ITGA10: variants seen among roughly 807,000 people sequenced by gnomAD.
ITGA10 encodes integrin alpha-10.
A neutral mutation model predicts 145.2 loss-of-function variants in ITGA10; 105 were observed. The observed-to-expected ratio is 0.72, with a 90% confidence interval of 0.62 to 0.85. ITGA10 has a LOEUF of 0.85. Among genes scored for constraint, ITGA10 ranks in the 40% least tolerant of loss-of-function variants. The pLI is 0.00. For synonymous variants in ITGA10, 506 were observed against 557.8 expected (o/e 0.91, Z 1.31); for missense variants, 1,317 against 1,444.5 (o/e 0.91, Z 1.43).
Position 145,904,074 on chromosome 1 carries a change from C to G in ITGA10, c.736G>C (p.Ala246Pro), listed in dbSNP as rs1656760053. ...SRREGRETKTAQAIMVACTEG... is the reference protein window; with the variant it reads ...SRREGRETKTPQAIMVACTEG... ...CACCAGGCCACCATTATTGCTTGGG[C>G]AGTCTTTGTTTCTCGTCCCTCCCGC... Residue 246 changes from alanine to proline, a missense_variant, in exon 7 of 30, where the codon GCC (alanine) becomes CCC (proline). Coordinates refer to ENST00000369304, the MANE Select transcript of ITGA10 (RefSeq NM_003637.5). The G allele has an allele frequency of 6.2e-7, 1 of 1,613,974 alleles. No homozygotes were observed. The highest frequency in any genetic ancestry group is 1.3e-5 in the African/African-American group (1 of 74,902).
chr1:145,897,649 C>A lies in ITGA10; in HGVS notation c.2437G>T (p.Ala813Ser). Residue 813 changes from alanine to serine, a missense_variant, in exon 20 of 30, where the codon GCC becomes TCC. Physicochemically the swap from Ala to Ser is moderately conservative, Grantham distance 99. Coordinates refer to ENST00000369304, the MANE Select transcript of ITGA10 (RefSeq NM_003637.5). The stretch of plus-strand genomic sequence containing the variant: ...CGGCCACCTCGAACCACAAATGGGG[C>A]CTTCCTGGGAATGATGAATGAGGGA... ...VNMDIRGSRK[A>S]PFVVRGGRRK... is the part of the protein sequence containing the mutation. 1 of 1,614,120 alleles carries A rather than the reference C, an allele frequency of 6.2e-7. No individual in the cohort carries two copies.
In ITGA10 at chr1:145,897,877, G is replaced by A. The variant is rs587734285; in HGVS notation, c.2370C>T (p.Gly790=). Residue 790 remains glycine, a synonymous_variant, in exon 19 of 30, where the codon GGC becomes GGT. Transcript: ENST00000369304. ...GGTCTGTGACACATTCATTGTCAGG[G>A]CCACAATCCTTTGAGAAGGGGACCT... is the stretch of plus-strand genomic sequence containing the variant. ...QKLVPFSKDC[G]PDNECVTDLV... 2 of 1,614,014 alleles carry A rather than the reference G, an allele frequency of 1.2e-6. No homozygotes were observed. Among genetic ancestry groups the A allele is most frequent in the Admixed American group, 1.7e-5 (1 of 60,022 alleles).
At chr1:145,905,980 C>T (rs981498591) in intron 5 of ITGA10, 1 of 181,872 alleles carries the variant, frequency 5.5e-6, no homozygotes, top group Non-Finnish European at 1.2e-5. Flanking sequence ...AGTGCAGAGG[C>T]ACAATCTTGG....
At chr1:145,892,953 G>T in intron 29 of ITGA10, 90 bp from the exon 30 acceptor site, 2 of 1,078,572 alleles carry the variant, frequency 1.9e-6, no homozygotes, top group Non-Finnish European at 2.8e-6. Context: ...CTTCACTTTT[G>T]TTCTGTTTCC....
At chr1:145,895,433 G>C (rs377003604) in intron 26 of ITGA10, 40 bp from the exon 27 acceptor site, 1 of 1,532,250 alleles carries the variant, frequency 6.5e-7, no homozygotes, top group Admixed American at 1.7e-5. Flanking sequence ...AGGACTCTGG[G>C]GTAGAAACAT....
intron 1 of ITGA10, among the ~76,000 whole-genome samples, chr1:145,909,010 A>T (rs1657500760): frequency 1.3e-5 from 2 of 151,916 alleles, no homozygotes; most frequent in African/African-American, 4.8e-5. Context: ...ATATATTTAG[A>T]TACAAATCTC....
chr1:145,904,736 G>C lies in ITGA10; in HGVS notation c.557C>G (p.Thr186Ser), dbSNP rs372950649. 5.0e-6 allele frequency: 8 copies of C among 1,613,800 alleles called. No homozygotes were observed. In the African/African-American group the frequency reaches 1.1e-4, roughly 22 times the overall value. ...TTTCCCTACCAGTCTTCGTAGGAAG[G>C]TCTGAACTTCAGACCAGGGGTAGAT... ...NSIYPWSEVQ[T>S]FLRRLVGKLF... is the part of the protein sequence containing the mutation. Residue 186 changes from threonine to serine, a missense_variant, in exon 6 of 30, where the codon ACC becomes AGC. Thr to Ser is a moderately conservative substitution (Grantham distance 58). Transcript: ENST00000369304.
At chr1:145,899,934 A>G in intron 15 of ITGA10, 123 bp downstream of exon 15, 1 of 951,560 alleles carries the variant, frequency 1.1e-6, no homozygotes, top group Non-Finnish European at 1.6e-6. Context: ...CATTTTATAA[A>G]CTAAGAATGG....
intron 20 of ITGA10, 59 bp downstream of exon 20, chr1:145,897,453 C>A: frequency 1.2e-6 from 2 of 1,604,592 alleles, no homozygotes; most frequent in South Asian, 2.2e-5. Flanking sequence ...GAGGCCAATA[C>A]CCCAATCTTC....
At chr1:145,903,970 G>A in intron 7 of ITGA10, 82 bp downstream of exon 7, 5 of 1,530,734 alleles carry the variant, frequency 3.3e-6, no homozygotes, top group East Asian at 2.3e-5. Flanking sequence ...TTACAGGCGT[G>A]AGCCACCATG....
At position 145,902,227 on chromosome 1, in the gene ITGA10, A is replaced by G; in HGVS notation, c.1149+19T>C. The G allele has an allele frequency of 6.2e-7, 1 of 1,612,350 alleles. No homozygotes were observed. The highest frequency in any genetic ancestry group is 1.7e-5 in the Admixed American group (1 of 60,016). The stretch of plus-strand genomic sequence containing the variant: ...AGTCAGAGAATGGGAGAAGTAATGA[A>G]GGGGTCAATCTGTCCAACCTTTAGC... On this transcript the variant is annotated intron_variant, in intron 10 of 29. Transcript: ENST00000369304.
Position 145,899,063 on chromosome 1 carries a change from G to A in ITGA10, c.2105C>T (p.Ala702Val), listed in dbSNP as rs1553746667. 1.9e-6 allele frequency: 3 copies of A among 1,614,144 alleles called. No homozygotes were observed. The highest frequency in any genetic ancestry group is 1.7e-6 in the Non-Finnish European group (2 of 1,180,066). Residue 702 changes from alanine to valine, a missense_variant, in exon 17 of 30, where the codon GCA becomes GTA. Transcript: ENST00000369304. ...CCCAGCAGTCCATTCATCCAGTGAT[G>A]CGGTGAACCTCATGTCTGAATGAAG... Reference protein sequence around the residue: ...WDHQFYMRFTASLDEWTAGAR... With the variant: ...WDHQFYMRFTVSLDEWTAGAR...
intron 17 of ITGA10, 81 bp from the exon 18 acceptor site, chr1:145,898,304 T>C: frequency 1.2e-6 from 1 of 829,392 alleles, no homozygotes; most frequent in Non-Finnish European, 2.1e-6. Context: ...GCATTTTCTG[T>C]GTGCTGGGCA....
chr1:145,901,428 G>T lies in ITGA10; in HGVS notation c.1443+88C>A. 6.8e-7 allele frequency: 1 copy of T among 1,479,676 alleles called. No homozygotes were observed. The highest frequency in any genetic ancestry group is 9.1e-7 in the Non-Finnish European group (1 of 1,100,052). The allele number at this position is 1,479,676 out of a possible 1,614,324, so 91.7% of individuals were successfully genotyped here. ...CCAGAATTCCGCACAGACTTTGGAGGCCTCTCTCTTACCCACTTCACACTC... is the reference window on the plus strand; with the variant it reads ...CCAGAATTCCGCACAGACTTTGGAGTCCTCTCTCTTACCCACTTCACACTC... On this transcript the variant is annotated intron_variant, in intron 12 of 29. Transcript: ENST00000369304. This position sits in a 1 kb window ranked among gnomAD's most constrained non-coding sequence, Gnocchi z 4.3.
rs1415232812 is a variant in ITGA10 at position 145,897,333 on chromosome 1, T to C, written c.2581A>G (p.Ser861Gly). Residue 861 changes from serine to glycine, a missense_variant, in exon 21 of 30, where the codon AGC (serine) becomes GGC (glycine). Coordinates refer to ENST00000369304, the MANE Select transcript of ITGA10 (RefSeq NM_003637.5). ...GCGGCACATTCCACCTTTATTGGGCTCTCTCTCTGAGGGCAGGGGAATGGA... is the reference window on the plus strand; with the variant it reads ...GCGGCACATTCCACCTTTATTGGGCCCTCTCTCTGAGGGCAGGGGAATGGA... ...HLASLTPQRE[S>G]PIKVECAAPS... The C allele has an allele frequency of 1.2e-6, 2 of 1,613,750 alleles. No individual in the cohort carries two copies. The highest frequency in any genetic ancestry group is 2.7e-5 in the African/African-American group (2 of 74,868).
chr1:145,898,687 C>T (rs1398232847), intron 17 of ITGA10, among the ~76,000 whole-genome samples: 1 of 152,116 alleles, frequency 6.6e-6, no homozygotes, highest in East Asian at 1.9e-4. Context: ...TTTAATACAA[C>T]TCCTATGATA....
chr1:145,902,431 C>T (rs1403253576), intron 9 of ITGA10, 23 bp downstream of exon 9: 5 of 1,609,562 alleles, frequency 3.1e-6, no homozygotes, highest in Non-Finnish European at 1.7e-6. Context: ...CCGCCCTGTC[C>T]ATTTCTCCAG....
intron 1 of ITGA10, among the ~76,000 whole-genome samples, chr1:145,908,994 G>A (rs1559217285): frequency 6.6e-6 from 1 of 151,638 alleles, no homozygotes; most frequent in East Asian, 1.9e-4. Flanking sequence ...TTAGGATGAA[G>A]ATTTTATATA....
rs781793110 is a variant in ITGA10 at position 145,900,161 on chromosome 1, A to AT, written c.1817dup (p.His606GlnfsTer20). 1 of 1,613,888 alleles carries AT rather than the reference A, an allele frequency of 6.2e-7. No homozygotes were observed. The highest frequency in any genetic ancestry group is 2.2e-5 in the East Asian group (1 of 44,868). ...CACTTCGGCCAAAGTAGCTGAGGGC[A>AT]TGTGGCATGGAGGCAGCAGCAATCC... On this transcript the variant is annotated frameshift_variant, in exon 15 of 30. Transcript: ENST00000369304. LOFTEE classifies it high-confidence loss of function.
Sources: gnomAD v4.1 joint callset for allele counts (sites outside exome capture counted in the v4.1 genomes callset) on GRCh38, gnomAD v4.1.1 for gene constraint, Gnocchi (gnomAD v3.1) non-coding constraint, MANE v1.5 for transcripts, NCBI Gene and HGNC (gene_info 2026-07-23, HGNC 2026-07-21) for gene names.